ZCCHC7: variants seen among roughly 807,000 people sequenced by gnomAD.
The protein encoded by ZCCHC7 is zinc finger CCHC domain-containing protein 7.
In ZCCHC7, 35 loss-of-function variants were observed where a neutral mutation model predicts 52.0. The observed-to-expected ratio is 0.67, with a 90% CI of 0.51 to 0.89. The LOEUF (loss-of-function observed/expected upper bound fraction) is 0.89. Among genes scored for constraint, ZCCHC7 ranks in the 40% least tolerant of loss-of-function variants. The probability of loss-of-function intolerance (pLI) is 0.00; values close to 1 mark genes in which losing one functional copy is unlikely to be tolerated. For synonymous variants in ZCCHC7, 217 were observed against 221.5 expected (o/e 0.98, Z 0.18); for missense variants, 574 against 649.1 (o/e 0.88, Z 1.26).
At chr9:37,155,163 A>G (rs975889429) in intron 2 of ZCCHC7, among the ~76,000 whole-genome samples, 2 of 152,194 alleles carry the variant, frequency 1.3e-5, no homozygotes, top group African/African-American at 4.8e-5. Context: ...GATCGAGACC[A>G]TCCTGGCTAA....
At chr9:37,241,173 T>C (rs1825857692) in intron 2 of ZCCHC7, among the ~76,000 whole-genome samples, 1 of 151,838 alleles carries the variant, frequency 6.6e-6, no homozygotes, top group South Asian at 2.1e-4. Flanking sequence ...ATTTTGCTTA[T>C]AATATGCCAA....
intron 2 of ZCCHC7, among the ~76,000 whole-genome samples, chr9:37,157,399 G>A (rs1820872487): frequency 6.6e-6 from 1 of 152,030 alleles, no homozygotes; most frequent in African/African-American, 2.4e-5. Context: ...ACTGAGGCAG[G>A]CAGATTCCCT....
chr9:37,138,390 G>A (rs1445402393), intron 2 of ZCCHC7, among the ~76,000 whole-genome samples: 1 of 152,108 alleles, frequency 6.6e-6, no homozygotes, highest in Non-Finnish European at 1.5e-5. Context: ...TGTTGATATT[G>A]TATATCACTA....
At position 37,143,294 on chromosome 9, in the gene ZCCHC7, A is replaced by G. The variant is rs140811226; in HGVS notation, c.610+16352A>G. Among the ~76,000 whole-genome samples the G allele has an allele frequency of 2.9e-3, 433 of 151,782 alleles. 2 individuals carry two copies. Among genetic ancestry groups the G allele is most frequent in the African/African-American group, 9.9e-3 (409 of 41,380 alleles). ...AAGTATGATCGAAATACTTTTATTC[A>G]TGATTTTTTTAGGCCAAAAAATGCT... On this transcript the variant is annotated intron_variant, in intron 2 of 8. Transcript: ENST00000336755.
intron 2 of ZCCHC7, among the ~76,000 whole-genome samples, chr9:37,283,433 A>C (rs969780768): frequency 1.3e-5 from 2 of 152,164 alleles, no homozygotes; most frequent in African/African-American, 4.8e-5. Flanking sequence ...ATTGTTTGAA[A>C]ACAGAAAACT....
chr9:37,213,905 T>G (rs1824368897), intron 2 of ZCCHC7, among the ~76,000 whole-genome samples: 1 of 152,108 alleles, frequency 6.6e-6, no homozygotes, highest in Admixed American at 6.5e-5. Context: ...ATCAACAACA[T>G]TGAAAAGCTA....
At chr9:37,164,872 C>A (rs965747542) in intron 2 of ZCCHC7, among the ~76,000 whole-genome samples, 1 of 152,174 alleles carries the variant, frequency 6.6e-6, no homozygotes, top group Non-Finnish European at 1.5e-5. Flanking sequence ...AGATGCATTT[C>A]TGTATAGATT....
intron 2 of ZCCHC7, among the ~76,000 whole-genome samples, chr9:37,201,859 T>C (rs1823647943): frequency 1.3e-5 from 2 of 152,224 alleles, no homozygotes; most frequent in Admixed American, 1.3e-4. Flanking sequence ...ACTCATATTA[T>C]CTGCATTGCA....
intron 2 of ZCCHC7, 89 bp downstream of exon 2, chr9:37,127,031 C>G (rs1182264068): frequency 6.9e-7 from 1 of 1,450,314 alleles, no homozygotes; most frequent in African/African-American, 1.4e-5. Flanking sequence ...AGGGTCTACT[C>G]CGTTTAATTC....
chr9:37,184,356 G>T (rs1822532893), intron 2 of ZCCHC7, among the ~76,000 whole-genome samples: 1 of 149,214 alleles, frequency 6.7e-6, no homozygotes. Flanking sequence ...TAACTCCTTA[G>T]TGGCAGTTTT....
chr9:37,316,238 T>G (rs973167025), intron 5 of ZCCHC7, among the ~76,000 whole-genome samples: 3 of 151,744 alleles, frequency 2.0e-5, no homozygotes, highest in African/African-American at 4.8e-5. Context: ...TTTTGTATTT[T>G]TAATACAGAT....
intron 2 of ZCCHC7, among the ~76,000 whole-genome samples, chr9:37,229,564 G>A (rs765539365): frequency 6.6e-6 from 1 of 152,124 alleles, no homozygotes; most frequent in Non-Finnish European, 1.5e-5. Context: ...CATAGAAAAA[G>A]TGCAGTAAAA....
At chr9:37,120,534 G>A (rs1428804208), upstream of ZCCHC7, 5 of 398,984 alleles carry the variant, frequency 1.3e-5, no homozygotes, top group Admixed American at 4.4e-5. Context: ...CTGCGCGGAC[G>A]CGGCCTCCTT....
chr9:37,193,976 C>T (rs1055400179), intron 2 of ZCCHC7, among the ~76,000 whole-genome samples: 2 of 152,100 alleles, frequency 1.3e-5, no homozygotes, highest in African/African-American at 4.8e-5. Flanking sequence ...CCTCTTACAG[C>T]GTTTTCATTA....
intron 2 of ZCCHC7, among the ~76,000 whole-genome samples, chr9:37,203,807 C>T (rs746641999): frequency 3.3e-4 from 50 of 152,048 alleles, no homozygotes; most frequent in Admixed American, 2.5e-3. Context: ...ATTTATATTC[C>T]GTTGGGTATA....
intron 5 of ZCCHC7, among the ~76,000 whole-genome samples, chr9:37,323,043 G>C (rs1830112872): frequency 6.6e-6 from 1 of 152,106 alleles, no homozygotes; most frequent in South Asian, 2.1e-4. Context: ...ACAATCCTTT[G>C]AGGAGGTACT....
At chr9:37,156,150 A>G (rs1820800536) in intron 2 of ZCCHC7, among the ~76,000 whole-genome samples, 2 of 152,128 alleles carry the variant, frequency 1.3e-5, no homozygotes, top group Non-Finnish European at 2.9e-5. Context: ...TTCTTGATAG[A>G]TTTCTTTGGT....
chr9:37,208,176 C>G (rs1032384265), intron 2 of ZCCHC7, among the ~76,000 whole-genome samples: 1 of 152,138 alleles, frequency 6.6e-6, no homozygotes, highest in Non-Finnish European at 1.5e-5. Flanking sequence ...CCTCGACCTC[C>G]TGGGCTCAGG....
At chr9:37,226,617 G>C (rs960565407) in intron 2 of ZCCHC7, among the ~76,000 whole-genome samples, 2 of 152,044 alleles carry the variant, frequency 1.3e-5, no homozygotes, top group Non-Finnish European at 2.9e-5. Flanking sequence ...ATTGGTGCTG[G>C]ACCAGTCTAT....
Sources: gnomAD v4.1 joint callset for allele counts (sites outside exome capture counted in the v4.1 genomes callset) on GRCh38, gnomAD v4.1.1 for gene constraint, MANE v1.5 for transcripts, NCBI Gene and HGNC (gene_info 2026-07-23, HGNC 2026-07-21) for gene names.